Variants in FBLN5 observed in about 807,000 individuals in gnomAD.
FBLN5 encodes fibulin-5.
Under a neutral mutation model 61.6 loss-of-function variants are expected in FBLN5, and 24 were observed. The observed-to-expected ratio is 0.39, with a 90% CI of 0.28 to 0.55. The LOEUF (loss-of-function observed/expected upper bound fraction) is 0.55. Ranked by LOEUF, FBLN5 falls within the 20% of genes least tolerant of loss-of-function variation. The probability of loss-of-function intolerance (pLI) is 0.65; values close to 1 mark genes in which losing one functional copy is unlikely to be tolerated. For synonymous variants in FBLN5, 213 were observed against 219.8 expected (o/e 0.97, Z 0.27); for missense variants, 470 against 594.1 (o/e 0.79, Z 2.17).
In FBLN5 at chr14:91,882,905, G is replaced by T. The variant is rs1332334789; in HGVS notation, c.862+49C>A. ...GATATCCAGATGAGCCCCTGAAGCA[G>T]CTCCACCTCACACATACACCCCAGC... On this transcript the variant is annotated intron_variant, in intron 8 of 10. Transcript: ENST00000342058. The surrounding 1 kb of genome is among the most constrained non-coding windows in gnomAD (Gnocchi z 4.9). 6 of 1,606,762 alleles carry T rather than the reference G, an allele frequency of 3.7e-6. No individual in the cohort carries two copies. Among genetic ancestry groups the T allele is most frequent in the Non-Finnish European group, 5.1e-6 (6 of 1,175,514 alleles).
At chr14:91,887,823 T>C (rs775794227) in intron 6 of FBLN5, among the ~76,000 whole-genome samples, 2 of 152,162 alleles carry the variant, frequency 1.3e-5, no homozygotes, top group African/African-American at 2.4e-5. Flanking sequence ...ACGAGGACCA[T>C]TGGCCCACTT....
chr14:91,919,377 AAAAGAAAGAAAGAAAGG>A (rs1566819944), intron 4 of FBLN5, among the ~76,000 whole-genome samples: 5 of 85,774 alleles, frequency 5.8e-5, no homozygotes, highest in African/African-American at 1.9e-4. Context: ...AAAAGAAAAG[AAAAGAAAGAAAGAAAGG>A]AAGGAAGGAA....
chr14:91,947,416 G>A lies in FBLN5; in HGVS notation c.-187C>T, dbSNP rs2056202388. 5 of 674,126 alleles carry A rather than the reference G, an allele frequency of 7.4e-6. No homozygotes were observed. Among genetic ancestry groups the A allele is most frequent in the African/African-American group, 1.8e-5 (1 of 55,346 alleles). 41.8% of individuals were successfully genotyped at this position (674,126 alleles called of 1,614,324 possible). The stretch of plus-strand genomic sequence containing the variant: ...CCGGGGTCCTCCCAGCCACTGCAGA[G>A]CCCTCAGCGCAAGCACCTGGTTTTG... On this transcript the variant is annotated 5_prime_UTR_variant, in exon 1 of 11. Transcript: ENST00000342058. This position sits in a 1 kb window ranked among gnomAD's most constrained non-coding sequence, Gnocchi z 4.3.
At chr14:91,912,934 T>C (rs193070015) in intron 4 of FBLN5, among the ~76,000 whole-genome samples, 1 of 152,300 alleles carries the variant, frequency 6.6e-6, no homozygotes, top group African/African-American at 2.4e-5. Context: ...ATAAGAGCTG[T>C]TCACTCATCC....
intron 5 of FBLN5, among the ~76,000 whole-genome samples, chr14:91,893,116 C>T (rs1004558076): frequency 1.3e-5 from 2 of 152,180 alleles, no homozygotes; most frequent in African/African-American, 4.8e-5. Flanking sequence ...GAAAAAAAAA[C>T]TAGACTGAGA....
chr14:91,877,130 C>A (rs74462945), intron 10 of FBLN5, among the ~76,000 whole-genome samples: 8,240 of 152,188 alleles, frequency 0.054, 768 homozygotes, highest in African/African-American at 0.19. Flanking sequence ...GGCATCAGCC[C>A]CCGTGCCTGG....
At chr14:91,871,040 A>G (rs963885907) in intron 10 of FBLN5, among the ~76,000 whole-genome samples, 3 of 151,984 alleles carry the variant, frequency 2.0e-5, no homozygotes, top group Non-Finnish European at 4.4e-5. Context: ...GGATTGAAAA[A>G]CTACCTACTG....
At chr14:91,894,865 G>A in intron 5 of FBLN5, 85 bp downstream of exon 5, 1 of 1,082,950 alleles carries the variant, frequency 9.2e-7, no homozygotes, top group South Asian at 1.2e-5. Flanking sequence ...CTACCCTCAG[G>A]CAGCCAGCTA....
At chr14:91,904,694 C>G (rs1890603654) in intron 4 of FBLN5, among the ~76,000 whole-genome samples, 1 of 152,244 alleles carries the variant, frequency 6.6e-6, no homozygotes, top group Non-Finnish European at 1.5e-5. Context: ...ATCCCCTTAT[C>G]AGGGCACCAG....
At chr14:91,893,380 G>A (rs183828959) in intron 5 of FBLN5, among the ~76,000 whole-genome samples, 10 of 152,260 alleles carry the variant, frequency 6.6e-5, no homozygotes, top group South Asian at 6.2e-4. Flanking sequence ...ATTCACAGAC[G>A]CCCATGTGCA....
intron 9 of FBLN5, among the ~76,000 whole-genome samples, chr14:91,880,570 CAG>C (rs964820742): frequency 4.8e-4 from 71 of 148,282 alleles, no homozygotes; most frequent in African/African-American, 1.7e-3. Context: ...TGTTTTGAGA[CAG>C]AGTCTCACTC....
intron 4 of FBLN5, among the ~76,000 whole-genome samples, chr14:91,912,649 A>C (rs1371470032): frequency 2.0e-5 from 3 of 152,010 alleles, no homozygotes; most frequent in African/African-American, 7.2e-5. Context: ...TATCTCAAAG[A>C]AAAGAAAAAA....
At chr14:91,875,894 C>A (rs562340336) in intron 10 of FBLN5, among the ~76,000 whole-genome samples, 1 of 152,306 alleles carries the variant, frequency 6.6e-6, no homozygotes, top group East Asian at 1.9e-4. Flanking sequence ...ATGGAACATG[C>A]CTGTGAATCC....
intron 4 of FBLN5, among the ~76,000 whole-genome samples, chr14:91,923,592 A>G (rs1345275818): frequency 6.6e-6 from 1 of 152,212 alleles, no homozygotes. Context: ...TCAATCCTGC[A>G]AAGACTTGCT....
rs148752015 is a variant in FBLN5, at chr14:91,929,810, C to T, written c.379+7137G>A. On this transcript the variant is annotated intron_variant, in intron 4 of 10. Transcript: ENST00000342058. ...TCCCTGGACCAGCAGCGTGGCATCA[C>T]CTGGGGGCTTATAAGAAAATGCAGA... Among the ~76,000 whole-genome samples, 654 of 152,348 alleles carry T rather than the reference C, an allele frequency of 4.3e-3. 4 individuals are homozygous for T. The highest frequency in any genetic ancestry group is 6.8e-3 in the Middle Eastern group (2 of 294).
rs77570945 is a variant in FBLN5 at position 91,933,109 on chromosome 14, C to T, written c.379+3838G>A. ...GGATTTTGTTAGAGCCATGCTACTCCGGGGACTGCAGGGATTCTTCTGGCC... is the reference window on the plus strand; with the variant it reads ...GGATTTTGTTAGAGCCATGCTACTCTGGGGACTGCAGGGATTCTTCTGGCC... On this transcript the variant is annotated intron_variant, in intron 4 of 10. Coordinates refer to ENST00000342058, the MANE Select transcript of FBLN5 (RefSeq NM_006329.4). Among the ~76,000 whole-genome samples, 1,109 of 152,238 alleles carry T rather than the reference C, an allele frequency of 7.3e-3. 6 individuals are homozygous for T. The highest frequency in any genetic ancestry group is 0.012 in the Non-Finnish European group (792 of 68,018).
At chr14:91,944,102 G>C (rs1222659577) in intron 1 of FBLN5, among the ~76,000 whole-genome samples, 1 of 152,164 alleles carries the variant, frequency 6.6e-6, no homozygotes, top group Non-Finnish European at 1.5e-5. Flanking sequence ...GGCCGAGGCA[G>C]GAAGGTCACC....
chr14:91,877,790 T>A, intron 9 of FBLN5, 108 bp from the exon 10 acceptor site: 1 of 833,846 alleles, frequency 1.2e-6, no homozygotes, highest in Admixed American at 1.9e-5. Flanking sequence ...ATTTTTAGCA[T>A]CCAAATGCCA....
At chr14:91,932,305 C>A (rs1275724353) in intron 4 of FBLN5, among the ~76,000 whole-genome samples, 3 of 152,184 alleles carry the variant, frequency 2.0e-5, no homozygotes, top group African/African-American at 7.2e-5. Flanking sequence ...CACCTAGGGG[C>A]CTGTGGACTC....
Sources: gnomAD v4.1 joint callset for allele counts (sites outside exome capture counted in the v4.1 genomes callset) on GRCh38, gnomAD v4.1.1 for gene constraint, Gnocchi (gnomAD v3.1) non-coding constraint, MANE v1.5 for transcripts, NCBI Gene and HGNC (gene_info 2026-07-23, HGNC 2026-07-21) for gene names.